Variants in RAP1GDS1 observed in about 807,000 individuals in gnomAD.
RAP1GDS1 encodes RAP1, GTP-GDP dissociation stimulator 1.
Under a neutral mutation model 71.1 loss-of-function variants are expected in RAP1GDS1, and 35 were observed. The observed-to-expected ratio is 0.49, with a 90% confidence interval of 0.38 to 0.65. RAP1GDS1 has a LOEUF of 0.65. Ranked by LOEUF, RAP1GDS1 falls within the 30% of genes least tolerant of loss-of-function variation. The pLI is 0.00. For missense variants in RAP1GDS1, 663 were observed against 706.1 expected (o/e 0.94, Z 0.69); for synonymous variants, 229 against 243.1 (o/e 0.94, Z 0.54).
rs372343195 is a variant in RAP1GDS1 at position 98,308,360 on chromosome 4, A to G, written c.112+14845A>G. Among the ~76,000 whole-genome samples the G allele has an allele frequency of 2.4e-3, 301 of 124,692 alleles. 3 individuals carry two copies. The highest frequency in any genetic ancestry group is 8.3e-3 in the African/African-American group (279 of 33,716). 81.8% of individuals were successfully genotyped at this position (124,692 alleles called of 152,430 possible). On this transcript the variant is annotated intron_variant, in intron 2 of 14. Coordinates refer to ENST00000408927, the MANE Select transcript of RAP1GDS1 (RefSeq NM_001100427.2). ...GCCAGGCATGGTGGTGTGTCTCTCTATTCCCAGCTATGTGGAAGGCTGATG... is the reference window on the plus strand; with the variant it reads ...GCCAGGCATGGTGGTGTGTCTCTCTGTTCCCAGCTATGTGGAAGGCTGATG...
At chr4:98,357,703 C>CA (rs1391693404) in intron 4 of RAP1GDS1, among the ~76,000 whole-genome samples, 1 of 151,528 alleles carries the variant, frequency 6.6e-6, no homozygotes, top group Non-Finnish European at 1.5e-5. Flanking sequence ...AGAAATTAAC[C>CA]AAATAGTGCA....
At chr4:98,306,038 T>G (rs1399062317) in intron 2 of RAP1GDS1, among the ~76,000 whole-genome samples, 1 of 152,188 alleles carries the variant, frequency 6.6e-6, no homozygotes, top group Non-Finnish European at 1.5e-5. Context: ...GATGAATTTG[T>G]TCTGCTGTGT....
chr4:98,400,651 G>A (rs1006974566), intron 6 of RAP1GDS1, among the ~76,000 whole-genome samples: 1 of 152,032 alleles, frequency 6.6e-6, no homozygotes, highest in African/African-American at 2.4e-5. Flanking sequence ...AAGCTTTAGT[G>A]TTCTGTACCA....
intron 14 of RAP1GDS1, among the ~76,000 whole-genome samples, chr4:98,440,480 T>C (rs1488082995): frequency 1.3e-5 from 2 of 152,210 alleles, no homozygotes; most frequent in Non-Finnish European, 2.9e-5. Flanking sequence ...GCAGTACACA[T>C]GGATTATCAT....
intron 4 of RAP1GDS1, among the ~76,000 whole-genome samples, chr4:98,365,245 A>T (rs1279933202): frequency 6.6e-6 from 1 of 152,086 alleles, no homozygotes; most frequent in Non-Finnish European, 1.5e-5. Context: ...AGACAAATAC[A>T]GGTATGTTCT....
chr4:98,280,074 T>C (rs914063595), intron 1 of RAP1GDS1, among the ~76,000 whole-genome samples: 1 of 152,218 alleles, frequency 6.6e-6, no homozygotes, highest in African/African-American at 2.4e-5. Context: ...AACATACATG[T>C]GCATGTGTCT....
chr4:98,350,906 G>A (rs896085298), intron 3 of RAP1GDS1, among the ~76,000 whole-genome samples: 2 of 152,174 alleles, frequency 1.3e-5, no homozygotes, highest in African/African-American at 4.8e-5. Context: ...CTATGCAGGA[G>A]GCTGAGGTCA....
At position 98,379,103 on chromosome 4, in the gene RAP1GDS1, G is replaced by T; in HGVS notation, c.448G>T (p.Ala150Ser). Residue 150 changes from alanine (A) to serine (S), a missense_variant, in exon 5 of 15, where the codon GCC (alanine) becomes TCC (serine). By Grantham distance (99) the Ala-to-Ser change is moderately conservative. Transcript: ENST00000408927. ...GTCACTGTGCAGTATAACAGATCCC[G>T]CCAATGAGAAGCTCTTGACTGTCTT... is the stretch of plus-strand genomic sequence containing the variant. ...LRSLCSITDP[A>S]NEKLLTVFCG... 6.2e-7 allele frequency: 1 copy of T among 1,610,364 alleles called. No homozygotes were observed. Among genetic ancestry groups the T allele is most frequent in the East Asian group, 2.2e-5 (1 of 44,710 alleles).
intron 4 of RAP1GDS1, among the ~76,000 whole-genome samples, chr4:98,359,780 T>C (rs184520928): frequency 1.3e-5 from 2 of 152,278 alleles, no homozygotes; most frequent in Admixed American, 1.3e-4. Context: ...TAGCATCATA[T>C]AGTCTAATTG....
intron 1 of RAP1GDS1, among the ~76,000 whole-genome samples, chr4:98,267,820 G>T (rs759099093): frequency 1.9e-4 from 29 of 152,062 alleles, no homozygotes; most frequent in Non-Finnish European, 3.8e-4. Flanking sequence ...AAGAGCATGT[G>T]CCTTTTTGGT....
At chr4:98,431,125 A>G (rs1750338010) in intron 12 of RAP1GDS1, among the ~76,000 whole-genome samples, 1 of 152,248 alleles carries the variant, frequency 6.6e-6, no homozygotes, top group Non-Finnish European at 1.5e-5. Context: ...TTAACCTTTA[A>G]GAGTAGAGAA....
At chr4:98,351,745 A>C (rs1661927886) in intron 3 of RAP1GDS1, among the ~76,000 whole-genome samples, 1 of 151,974 alleles carries the variant, frequency 6.6e-6, no homozygotes, top group South Asian at 2.1e-4. Flanking sequence ...TGGTGGTATC[A>C]TGGTGAGTTA....
At chr4:98,416,566 G>C (rs183498784) in intron 7 of RAP1GDS1, among the ~76,000 whole-genome samples, 179 bp from the exon 8 acceptor site, 53 of 151,602 alleles carry the variant, frequency 3.5e-4, no homozygotes, top group Admixed American at 1.2e-3. Context: ...TAGCCAGGAT[G>C]GTCTCGATCT....
At chr4:98,267,977 A>G (rs1475418157) in intron 1 of RAP1GDS1, among the ~76,000 whole-genome samples, 3 of 152,162 alleles carry the variant, frequency 2.0e-5, no homozygotes, top group Admixed American at 2.0e-4. Context: ...GTGTAAAAAC[A>G]TTCTCTTTTC....
intron 2 of RAP1GDS1, among the ~76,000 whole-genome samples, chr4:98,325,390 A>G (rs1560838828): frequency 2.6e-5 from 4 of 151,002 alleles, no homozygotes; most frequent in South Asian, 4.2e-4. Flanking sequence ...TAGAACTAGA[A>G]ATACCATTTG....
chr4:98,320,268 T>A (rs1415500966), intron 2 of RAP1GDS1, among the ~76,000 whole-genome samples: 1 of 152,206 alleles, frequency 6.6e-6, no homozygotes, highest in Non-Finnish European at 1.5e-5. Flanking sequence ...ATCCAACACA[T>A]ATACTTACTC....
chr4:98,370,018 C>T (rs1329939094), intron 4 of RAP1GDS1, among the ~76,000 whole-genome samples: 1 of 152,068 alleles, frequency 6.6e-6, no homozygotes, highest in Non-Finnish European at 1.5e-5. Context: ...AAAGTAATTT[C>T]CTTATTTGTG....
At chr4:98,346,070 C>T (rs1238274050) in intron 3 of RAP1GDS1, among the ~76,000 whole-genome samples, 3 of 152,234 alleles carry the variant, frequency 2.0e-5, no homozygotes, top group Non-Finnish European at 4.4e-5. Flanking sequence ...CTTACTGAAT[C>T]AGGGACTCAA....
At chr4:98,282,514 G>T (rs568455201) in intron 1 of RAP1GDS1, among the ~76,000 whole-genome samples, 2 of 150,126 alleles carry the variant, frequency 1.3e-5, no homozygotes, top group East Asian at 3.9e-4. Flanking sequence ...TTCTTTATTA[G>T]TCTTGCTAGC....
Sources: allele counts gnomAD v4.1 joint callset (sites outside exome capture counted in the v4.1 genomes callset), GRCh38; gene constraint gnomAD v4.1.1; transcripts MANE v1.5; gene names NCBI Gene and HGNC (gene_info 2026-07-23, HGNC 2026-07-21).